Variants in DDX4 observed in about 807,000 individuals in gnomAD.
The protein encoded by DDX4 is DEAD-box helicase 4.
Under a neutral mutation model 100.0 loss-of-function variants are expected in DDX4, and 25 were observed. The ratio of observed to expected loss-of-function variants is 0.25; its 90% CI spans 0.18 to 0.35. DDX4 has a LOEUF of 0.35. DDX4 is among the 10% of genes least tolerant of loss of function. DDX4 has a pLI of 1.00. For missense variants in DDX4, 635 were observed against 882.4 expected, an observed-to-expected ratio of 0.72 and a Z score of 3.55; for synonymous variants, 259 against 275.7, an observed-to-expected ratio of 0.94 and a Z score of 0.60.
At chr5:55,789,091 A>C (rs1348351371) in intron 15 of DDX4, among the ~76,000 whole-genome samples, 2 of 152,174 alleles carry the variant, frequency 1.3e-5, no homozygotes, top group Non-Finnish European at 2.9e-5. Flanking sequence ...TTTCTGTTTT[A>C]AGTATTTTCT....
chr5:55,810,051 T>C (rs777555868), intron 18 of DDX4, among the ~76,000 whole-genome samples: 1 of 151,994 alleles, frequency 6.6e-6, no homozygotes, highest in African/African-American at 2.4e-5. Context: ...ACACAAAAAA[T>C]AGAGGCCGAG....
At chr5:55,795,701 A>T (rs1337626272) in intron 17 of DDX4, among the ~76,000 whole-genome samples, 9 of 152,146 alleles carry the variant, frequency 5.9e-5, no homozygotes, top group Admixed American at 5.9e-4. Context: ...TGAGCCCAGG[A>T]AGTTGAGGCT....
At chr5:55,767,082 A>C in intron 6 of DDX4, 92 of 1,330,308 alleles carry the variant, frequency 6.9e-5, no homozygotes, top group Non-Finnish European at 8.2e-5. Context: ...AAATTATTTC[A>C]TTAGCATGAA....
At chr5:55,738,895 T>G in intron 1 of DDX4, 55 bp from the exon 2 acceptor site, 2 of 989,724 alleles carry the variant, frequency 2.0e-6, no homozygotes, top group Non-Finnish European at 1.6e-6. Context: ...GCTTTTAAAG[T>G]TATGATTCTG....
At position 55,815,321 on chromosome 5, in the gene DDX4, G is replaced by A. The variant is rs965444858; in HGVS notation, c.1995G>A (p.Gln665=). Residue 665 remains glutamine (Q), a synonymous_variant, in exon 21 of 22, where the codon CAG becomes CAA. Coordinates refer to ENST00000505374, the MANE Select transcript of DDX4 (RefSeq NM_024415.3). ...GTCAATTTTTTTTAAAGGCTCAACA[G>A]GATGTTCCTGCATGGTTGGAAGAAA... The part of the protein sequence containing the change: ...PLVKVLTDAQ[Q]DVPAWLEEIA... 6.2e-7 allele frequency: 1 copy of A among 1,610,700 alleles called. No individual in the cohort carries two copies.
intron 18 of DDX4, among the ~76,000 whole-genome samples, chr5:55,807,051 G>A (rs1403521612): frequency 6.6e-6 from 1 of 152,166 alleles, no homozygotes; most frequent in East Asian, 1.9e-4. Context: ...TCTTCTTGTT[G>A]TATTGATCCC....
chr5:55,787,236 C>T (rs113406931), intron 14 of DDX4, among the ~76,000 whole-genome samples: 9 of 152,216 alleles, frequency 5.9e-5, no homozygotes, highest in African/African-American at 1.7e-4. Flanking sequence ...TCTTAATCAG[C>T]CTTCATAGTA....
chr5:55,746,118 C>T, intron 2 of DDX4, 46 bp from the exon 3 acceptor site: 2 of 1,430,794 alleles, frequency 1.4e-6, no homozygotes, highest in South Asian at 1.2e-5. Context: ...ATGACACGTT[C>T]ATATTCAAAG....
intron 18 of DDX4, among the ~76,000 whole-genome samples, chr5:55,810,473 T>C (rs892712880): frequency 6.6e-6 from 1 of 152,172 alleles, no homozygotes; most frequent in African/African-American, 2.4e-5. Flanking sequence ...TCATCCCTAA[T>C]CCAAAACTCT....
chr5:55,746,576 A>T (rs1463611316), intron 3 of DDX4, among the ~76,000 whole-genome samples: 1 of 152,152 alleles, frequency 6.6e-6, no homozygotes, highest in African/African-American at 2.4e-5. Flanking sequence ...AATGGTGATG[A>T]CCTGTCAGGA....
In DDX4 at chr5:55,787,742, A is replaced by C; in HGVS notation, c.1018-104A>C. On this transcript the variant is annotated intron_variant, in intron 14 of 21. Transcript: ENST00000505374. Reference sequence around the variant, plus strand: ...ATTTCTCATCTTAAATTTACCAGTAAGATGGAAGTAGAGTCTAAAGGCTAT... The same window carrying C: ...ATTTCTCATCTTAAATTTACCAGTACGATGGAAGTAGAGTCTAAAGGCTAT... 4 of 1,228,116 alleles carry C rather than the reference A, an allele frequency of 3.3e-6. No individual in the cohort carries two copies. The South Asian group carries it at 9.9e-5, about 30-fold the overall frequency. 76.1% of individuals were successfully genotyped at this position (1,228,116 alleles called of 1,614,324 possible).
intron 18 of DDX4, among the ~76,000 whole-genome samples, chr5:55,809,920 A>G (rs1176262706): frequency 6.6e-6 from 1 of 152,190 alleles, no homozygotes; most frequent in African/African-American, 2.4e-5. Flanking sequence ...AAATATAGGG[A>G]AACTCTATAG....
chr5:55,760,234 C>A lies in DDX4; in HGVS notation c.162C>A (p.Phe54Leu). The change falls in exon 4 of 22, where the codon TTC becomes TTA. Residue 54 changes from phenylalanine (F) to leucine (L), a missense_variant. Transcript: ENST00000505374. ...ATGGACCTTCTCGAAGAGATCATTTCATGAAAAGTGGATTTGCCTCTGGGC... is the reference window on the plus strand; with the variant it reads ...ATGGACCTTCTCGAAGAGATCATTTAATGAAAAGTGGATTTGCCTCTGGGC... ...MDDGPSRRDH[F>L]MKSGFASGRN... The A allele has an allele frequency of 6.4e-7, 1 of 1,564,816 alleles. No homozygotes were observed. Among genetic ancestry groups the A allele is most frequent in the Non-Finnish European group, 8.6e-7 (1 of 1,162,388 alleles).
At chr5:55,786,449 G>T in intron 13 of DDX4, 69 bp from the exon 14 acceptor site, 1 of 1,279,156 alleles carries the variant, frequency 7.8e-7, no homozygotes, top group South Asian at 1.5e-5. Context: ...TAGCTCGAAT[G>T]AAATATGCTT....
intron 7 of DDX4, among the ~76,000 whole-genome samples, chr5:55,772,306 A>G (rs1212484897): frequency 2.0e-5 from 3 of 152,122 alleles, no homozygotes; most frequent in Non-Finnish European, 4.4e-5. Flanking sequence ...TGTTCAGTTG[A>G]CCTAGTATCA....
intron 3 of DDX4, 91 bp from the exon 4 acceptor site, chr5:55,760,109 C>T: frequency 7.4e-7 from 1 of 1,358,974 alleles, no homozygotes; most frequent in Non-Finnish European, 9.8e-7. Context: ...TAAAATTTCT[C>T]CTTTGCCACA....
At chr5:55,764,656 A>G (rs1203859915) in intron 6 of DDX4, among the ~76,000 whole-genome samples, 1 of 152,160 alleles carries the variant, frequency 6.6e-6, no homozygotes, top group Non-Finnish European at 1.5e-5. Flanking sequence ...TGTGTTTGGT[A>G]ATCATTGATG....
chr5:55,775,106 G>A (rs1410267311), intron 7 of DDX4, among the ~76,000 whole-genome samples: 4 of 152,066 alleles, frequency 2.6e-5, no homozygotes, highest in African/African-American at 9.7e-5. Flanking sequence ...CATACAAGTG[G>A]AATCGTACAA....
chr5:55,781,031 G>A (rs768226469), intron 8 of DDX4, 35 bp from the exon 9 acceptor site: 4 of 1,569,050 alleles, frequency 2.5e-6, no homozygotes, highest in Non-Finnish European at 3.5e-6. Flanking sequence ...CTTCTTCAAA[G>A]TAATGTAATC....
Sources: allele counts gnomAD v4.1 joint callset (sites outside exome capture counted in the v4.1 genomes callset), GRCh38; gene constraint gnomAD v4.1.1; transcripts MANE v1.5; gene names NCBI Gene and HGNC (gene_info 2026-07-23, HGNC 2026-07-21).